Variants in GRIN3A observed in about 807,000 individuals in gnomAD.
GRIN3A encodes glutamate ionotropic receptor NMDA type subunit 3A.
A neutral mutation model predicts 92.4 loss-of-function variants in GRIN3A; 47 were observed. The ratio of observed to expected loss-of-function variants is 0.51; its 90% CI spans 0.40 to 0.65. GRIN3A has a LOEUF of 0.65. Among genes scored for constraint, GRIN3A ranks in the 30% least tolerant of loss-of-function variants. The pLI is 0.00. For synonymous variants in GRIN3A, 527 were observed against 540.6 expected, an observed-to-expected ratio of 0.97 and a Z score of 0.35; for missense variants, 1,324 against 1,393.1, an observed-to-expected ratio of 0.95 and a Z score of 0.79.
In GRIN3A at chr9:101,737,378, T is replaced by C. The variant is rs763048669; in HGVS notation, c.602A>G (p.Gln201Arg). The change falls in exon 1 of 9, where the codon CAG (glutamine) becomes CGG (arginine). Residue 201 changes from glutamine (Q) to arginine (R), a missense_variant. Coordinates refer to ENST00000361820, the MANE Select transcript of GRIN3A (RefSeq NM_133445.3). ...QGVSALLAFP[Q>R]SQGEMMELDL... ...GAGCTCCATCATTTCGCCCTGGCTC[T>C]GGGGGAAGGCGAGCAGCGCCGACAC... 9.9e-6 allele frequency: 16 copies of C among 1,614,074 alleles called. No individual in the cohort carries two copies. In the Admixed American group the frequency reaches 2.3e-4, roughly 24 times the overall value.
At chr9:101,693,244 AATATATATATAT>A (rs3082770) in intron 1 of GRIN3A, among the ~76,000 whole-genome samples, 1 of 128,416 alleles carries the variant, frequency 7.8e-6, no homozygotes, top group Non-Finnish European at 1.6e-5. Flanking sequence ...TCTCAGCTAA[AATATATATATAT>A]ATATATATAT....
chr9:101,668,424 G>T (rs1053216515), intron 3 of GRIN3A, among the ~76,000 whole-genome samples: 1 of 151,748 alleles, frequency 6.6e-6, no homozygotes, highest in Non-Finnish European at 1.5e-5. Flanking sequence ...TAATTTAGGA[G>T]TCACTTTGTT....
At chr9:101,737,148 A>G in intron 1 of GRIN3A, 133 bp downstream of exon 1, 2 of 741,598 alleles carry the variant, frequency 2.7e-6, no homozygotes, top group South Asian at 1.5e-5. Context: ...ACATGGCCCA[A>G]TCGTTAAGCA....
intron 6 of GRIN3A, among the ~76,000 whole-genome samples, chr9:101,604,677 G>C (rs1828254135): frequency 6.6e-6 from 1 of 152,172 alleles, no homozygotes; most frequent in Non-Finnish European, 1.5e-5. Flanking sequence ...GGGCAGGAGG[G>C]TGTTGGGATG....
intron 3 of GRIN3A, among the ~76,000 whole-genome samples, chr9:101,652,807 T>A (rs1427912888): frequency 1.3e-5 from 2 of 152,006 alleles, no homozygotes; most frequent in African/African-American, 2.4e-5. Context: ...TTTCCTCTAA[T>A]ATGCATAATT....
intron 6 of GRIN3A, chr9:101,592,270 T>C (rs1488365810): frequency 6.6e-6 from 1 of 152,228 alleles, no homozygotes; most frequent in Non-Finnish European, 1.5e-5. Context: ...TGGGTGTAGC[T>C]AAGAACTAAG....
intron 6 of GRIN3A, among the ~76,000 whole-genome samples, chr9:101,607,155 AG>A (rs1178723647): frequency 2.3e-5 from 3 of 128,036 alleles, no homozygotes; most frequent in African/African-American, 7.0e-5. Flanking sequence ...CCTGGAATTC[AG>A]GAAAAAAAAA....
At chr9:101,691,734 C>G (rs1829623438) in intron 1 of GRIN3A, among the ~76,000 whole-genome samples, 1 of 152,146 alleles carries the variant, frequency 6.6e-6, no homozygotes, top group Non-Finnish European at 1.5e-5. Context: ...TCTAAGTTTT[C>G]CTTGCTGGTG....
intron 3 of GRIN3A, among the ~76,000 whole-genome samples, chr9:101,628,868 T>C (rs1204983307): frequency 6.7e-6 from 1 of 150,096 alleles, no homozygotes; most frequent in Non-Finnish European, 1.5e-5. Flanking sequence ...TAGCCACCTT[T>C]AGGCTATATT....
chr9:101,573,479 T>C lies in GRIN3A; in HGVS notation c.3043A>G (p.Asn1015Asp). 1 of 1,614,028 alleles carries C rather than the reference T, an allele frequency of 6.2e-7. No individual in the cohort carries two copies. Among genetic ancestry groups the C allele is most frequent in the Non-Finnish European group, 8.5e-7 (1 of 1,179,956 alleles). ...NVGPRQLTVW[N>D]TSNLSHDNRR... is the part of the protein sequence containing the mutation. Reference sequence around the variant, plus strand: ...TTGTCATGACTCAGATTGGAAGTATTCCATACGGTAAGCTGACGGGGTCCC... The same window carrying C: ...TTGTCATGACTCAGATTGGAAGTATCCCATACGGTAAGCTGACGGGGTCCC... The change falls in exon 9 of 9, where the codon AAT (asparagine) becomes GAT (aspartate). Residue 1015 changes from asparagine to aspartate, a missense_variant. By Grantham distance (23) the Asn-to-Asp change is conservative. Coordinates refer to ENST00000361820, the MANE Select transcript of GRIN3A (RefSeq NM_133445.3).
intron 1 of GRIN3A, among the ~76,000 whole-genome samples, chr9:101,688,399 A>T (rs1305487967): frequency 6.6e-6 from 1 of 152,192 alleles, no homozygotes; most frequent in African/African-American, 2.4e-5. Context: ...GGTAGGATGG[A>T]GTCTTAAAAT....
chr9:101,641,016 A>G (rs1006787482), intron 3 of GRIN3A, among the ~76,000 whole-genome samples: 1 of 152,244 alleles, frequency 6.6e-6, no homozygotes, highest in Non-Finnish European at 1.5e-5. Context: ...CTGAAAGAGC[A>G]GACCAGCTTT....
At position 101,573,068 on chromosome 9, in the gene GRIN3A, C is replaced by T; in HGVS notation, c.*106G>A. On this transcript the variant is annotated 3_prime_UTR_variant, in exon 9 of 9. Coordinates refer to ENST00000361820, the MANE Select transcript of GRIN3A (RefSeq NM_133445.3). Reference sequence around the variant, plus strand: ...GACTTGACCTTTAAGAAGACCTAGACCTCAGCTTCCCCACACCTTTGTCGA... The same window carrying T: ...GACTTGACCTTTAAGAAGACCTAGATCTCAGCTTCCCCACACCTTTGTCGA... 1 of 998,944 alleles carries T rather than the reference C, an allele frequency of 1.0e-6. No individual in the cohort carries two copies. The highest frequency in any genetic ancestry group is 1.6e-6 in the Non-Finnish European group (1 of 628,316). The allele number at this position is 998,944 out of a possible 1,614,324, so 61.9% of individuals were successfully genotyped here.
intron 6 of GRIN3A, among the ~76,000 whole-genome samples, chr9:101,597,948 A>G (rs1439961510): frequency 6.6e-6 from 1 of 152,188 alleles, no homozygotes; most frequent in African/African-American, 2.4e-5. Context: ...TTGATATCTT[A>G]TGTTATAGGC....
chr9:101,608,021 CA>C, intron 6 of GRIN3A, among the ~76,000 whole-genome samples: 1 of 152,232 alleles, frequency 6.6e-6, no homozygotes, highest in East Asian at 1.9e-4. Context: ...TTGTTCAAAA[CA>C]AAAATGTCAC....
chr9:101,696,422 A>T (rs1829685036), intron 1 of GRIN3A, among the ~76,000 whole-genome samples: 1 of 152,208 alleles, frequency 6.6e-6, no homozygotes, highest in African/African-American at 2.4e-5. Context: ...TCTGATGCCA[A>T]CTTCTTAATC....
chr9:101,627,137 A>G (rs1172490801), intron 4 of GRIN3A, among the ~76,000 whole-genome samples: 2 of 152,208 alleles, frequency 1.3e-5, no homozygotes, highest in East Asian at 3.8e-4. Flanking sequence ...TCGCCTGAAG[A>G]AGAGAATACA....
At chr9:101,723,611 C>A (rs1376013978) in intron 1 of GRIN3A, among the ~76,000 whole-genome samples, 1 of 152,142 alleles carries the variant, frequency 6.6e-6, no homozygotes, top group South Asian at 2.1e-4. Flanking sequence ...ATTGGTAGAG[C>A]CGAGTGGTCT....
In GRIN3A at chr9:101,735,065, C is replaced by T. The variant is rs1044226142; in HGVS notation, c.699+2216G>A. Among the ~76,000 whole-genome samples, 40 of 151,930 alleles carry T rather than the reference C, an allele frequency of 2.6e-4. 1 individual carries two copies. The highest frequency in any genetic ancestry group is 8.7e-4 in the African/African-American group (36 of 41,514). ...TATTGTTTTCACTGAAAGCAGATTA[C>T]GGTCATCTTAAAATTATATATTACA... On this transcript the variant is annotated intron_variant, in intron 1 of 8. Coordinates refer to ENST00000361820, the MANE Select transcript of GRIN3A (RefSeq NM_133445.3).
Sources: allele counts gnomAD v4.1 joint callset (sites outside exome capture counted in the v4.1 genomes callset), GRCh38; gene constraint gnomAD v4.1.1; transcripts MANE v1.5; gene names NCBI Gene and HGNC (gene_info 2026-07-23, HGNC 2026-07-21).